The following PAPPA2 variants were observed in gnomAD, a reference collection of about 807,000 sequenced individuals.
PAPPA2 encodes the protein pappalysin-2.
In PAPPA2, 86 loss-of-function variants were observed where a neutral mutation model predicts 176.4. That is an observed-to-expected ratio of 0.49 (90% CI 0.41 to 0.58). The LOEUF (loss-of-function observed/expected upper bound fraction) is 0.58. Ranked by LOEUF, PAPPA2 falls within the 20% of genes least tolerant of loss-of-function variation. The pLI is 0.00. For missense variants in PAPPA2, 2,073 were observed against 2,256.9 expected (o/e 0.92, Z 1.65); for synonymous variants, 809 against 852.2 (o/e 0.95, Z 0.88).
chr1:176,551,855 C>A (rs911234135), intron 1 of PAPPA2, among the ~76,000 whole-genome samples: 3 of 151,960 alleles, frequency 2.0e-5, no homozygotes, highest in Admixed American at 1.3e-4. Context: ...CTCATGAATT[C>A]TCCAGGGGAA....
intron 7 of PAPPA2, among the ~76,000 whole-genome samples, chr1:176,697,689 C>T (rs1660450170): frequency 6.6e-6 from 1 of 152,154 alleles, no homozygotes; most frequent in Non-Finnish European, 1.5e-5. Flanking sequence ...AGCTCCCAGC[C>T]TCACCTCATA....
intron 3 of PAPPA2, among the ~76,000 whole-genome samples, chr1:176,638,941 T>TGTGC (rs758126487): frequency 6.9e-5 from 6 of 86,842 alleles, no homozygotes; most frequent in African/African-American, 2.9e-4. Context: ...TGCATGTGCG[T>TGTGC]GTGTGTGTGT....
intron 1 of PAPPA2, among the ~76,000 whole-genome samples, chr1:176,502,053 T>G (rs187665787): frequency 1.3e-5 from 2 of 152,288 alleles, no homozygotes; most frequent in Admixed American, 1.3e-4. Flanking sequence ...GAATAGCTCT[T>G]AAGAAATAAG....
chr1:176,795,187 C>T (rs1214471123), intron 20 of PAPPA2, among the ~76,000 whole-genome samples: 2 of 152,096 alleles, frequency 1.3e-5, no homozygotes, highest in Admixed American at 6.5e-5. Context: ...TTTCTCATCC[C>T]TTTTTTTTCT....
At chr1:176,480,958 C>G (rs889388082) in intron 1 of PAPPA2, among the ~76,000 whole-genome samples, 1 of 152,106 alleles carries the variant, frequency 6.6e-6, no homozygotes, top group South Asian at 2.1e-4. Flanking sequence ...TGGGAGTACT[C>G]CTCTCTCCTA....
chr1:176,814,019 A>G (rs1422798827), intron 21 of PAPPA2, among the ~76,000 whole-genome samples: 1 of 152,186 alleles, frequency 6.6e-6, no homozygotes, highest in East Asian at 1.9e-4. Flanking sequence ...CAGTTCTCCC[A>G]GCACTATTTT....
chr1:176,732,051 A>T (rs1272696851), intron 12 of PAPPA2, among the ~76,000 whole-genome samples: 1 of 152,198 alleles, frequency 6.6e-6, no homozygotes, highest in Non-Finnish European at 1.5e-5. Context: ...CTAATCACTT[A>T]TTCAGAGATG....
chr1:176,732,485 G>A (rs1662208754), intron 12 of PAPPA2, among the ~76,000 whole-genome samples: 3 of 152,142 alleles, frequency 2.0e-5, no homozygotes, highest in African/African-American at 4.8e-5. Context: ...GCTTGATGGT[G>A]AGTTCATAAA....
In PAPPA2 at chr1:176,576,212, C is replaced by T. The variant is rs78640389; in HGVS notation, c.920-18312C>T. 3.4e-4 allele frequency among the ~76,000 whole-genome samples: 52 copies of T among 152,254 alleles called. 2 individuals carry two copies. The East Asian group carries it at 9.7e-3, about 28-fold the overall frequency. ...CACTCCAGCAGTGCATGAGTGTGCCCTTTTCCCCAGTGTTGCCAAATCTAG... is the reference window on the plus strand; with the variant it reads ...CACTCCAGCAGTGCATGAGTGTGCCTTTTTCCCCAGTGTTGCCAAATCTAG... On this transcript the variant is annotated intron_variant, in intron 2 of 22. Coordinates refer to ENST00000367662, the MANE Select transcript of PAPPA2 (RefSeq NM_020318.3).
chr1:176,615,927 C>G (rs1374631404), intron 3 of PAPPA2, among the ~76,000 whole-genome samples: 1 of 152,154 alleles, frequency 6.6e-6, no homozygotes, highest in African/African-American at 2.4e-5. Context: ...CCTAATCTTC[C>G]TAAATTTCTT....
intron 1 of PAPPA2, among the ~76,000 whole-genome samples, chr1:176,487,389 C>T (rs902122239): frequency 1.3e-5 from 2 of 152,198 alleles, no homozygotes; most frequent in African/African-American, 4.8e-5. Context: ...CCTGGAAGAC[C>T]TGATGACCTT....
chr1:176,687,674 T>C lies in PAPPA2; in HGVS notation c.2138-2463T>C, dbSNP rs114237519. 2.0e-3 allele frequency among the ~76,000 whole-genome samples: 303 copies of C among 152,318 alleles called. 1 individual carries two copies. The highest frequency in any genetic ancestry group is 6.9e-3 in the African/African-American group (285 of 41,578). On this transcript the variant is annotated intron_variant, in intron 4 of 22. Transcript: ENST00000367662. ...AAAAGGACCTGGGCCTGTCTGGCCA[T>C]AGGATGTGGGGATATTTGATGTTTG... is the stretch of plus-strand genomic sequence containing the variant.
At chr1:176,517,747 C>T (rs1648994538) in intron 1 of PAPPA2, among the ~76,000 whole-genome samples, 2 of 152,136 alleles carry the variant, frequency 1.3e-5, no homozygotes, top group African/African-American at 4.8e-5. Flanking sequence ...GGAAACAAGG[C>T]AGTCAGGCGC....
chr1:176,504,281 C>A (rs1648124453), intron 1 of PAPPA2, among the ~76,000 whole-genome samples: 1 of 152,020 alleles, frequency 6.6e-6, no homozygotes, highest in African/African-American at 2.4e-5. Context: ...AATTTAGACT[C>A]CTATATTCTG....
Position 176,744,286 on chromosome 1 carries a change from T to C in PAPPA2, c.4151+4090T>C, listed in dbSNP as rs914419831. On this transcript the variant is annotated intron_variant, in intron 14 of 22. Coordinates refer to ENST00000367662, the MANE Select transcript of PAPPA2 (RefSeq NM_020318.3). Reference sequence around the variant, plus strand: ...CCTGCCTTCCTTTTGTTTGTATTTGTTTGATAAATATTTGCCTTTCTTTTA... The same window carrying C: ...CCTGCCTTCCTTTTGTTTGTATTTGCTTGATAAATATTTGCCTTTCTTTTA... 4.6e-5 allele frequency among the ~76,000 whole-genome samples: 7 copies of C among 152,212 alleles called. No individual in the cohort carries two copies. In the South Asian group the frequency reaches 1.4e-3, roughly 31 times the overall value.
At chr1:176,676,797 C>A (rs991719491) in intron 4 of PAPPA2, among the ~76,000 whole-genome samples, 5 of 152,002 alleles carry the variant, frequency 3.3e-5, no homozygotes, top group African/African-American at 1.2e-4. Flanking sequence ...CATCTATGAT[C>A]TCTATAAATA....
At chr1:176,466,264 C>T (rs1250480064) in intron 1 of PAPPA2, among the ~76,000 whole-genome samples, 2 of 152,114 alleles carry the variant, frequency 1.3e-5, no homozygotes, top group Non-Finnish European at 2.9e-5. Context: ...AAATGAACAT[C>T]GGCCAAGCTA....
At chr1:176,760,970 T>C (rs1446989320) in intron 14 of PAPPA2, among the ~76,000 whole-genome samples, 1 of 152,056 alleles carries the variant, frequency 6.6e-6, no homozygotes, top group African/African-American at 2.4e-5. Context: ...TACAGGCGCC[T>C]GCCACCATGC....
chr1:176,736,941 C>T (rs1038890029), intron 12 of PAPPA2, among the ~76,000 whole-genome samples: 2 of 151,822 alleles, frequency 1.3e-5, no homozygotes, highest in African/African-American at 4.8e-5. Flanking sequence ...CTGAAAATAG[C>T]ATATATGAAA....
Sources: allele counts gnomAD v4.1 joint callset (sites outside exome capture counted in the v4.1 genomes callset), GRCh38; gene constraint gnomAD v4.1.1; transcripts MANE v1.5; gene names NCBI Gene and HGNC (gene_info 2026-07-23, HGNC 2026-07-21).